Variants in CACNA1G observed in about 807,000 individuals in gnomAD.
CACNA1G encodes calcium voltage-gated channel subunit alpha1 G.
A neutral mutation model predicts 219.4 loss-of-function variants in CACNA1G; 67 were observed. That is an observed-to-expected ratio of 0.31 (90% CI 0.25 to 0.37). The LOEUF (loss-of-function observed/expected upper bound fraction) is 0.37. Ranked by LOEUF, CACNA1G falls within the 10% of genes least tolerant of loss-of-function variation. The probability of loss-of-function intolerance (pLI) is 1.00; values close to 1 mark genes in which losing one functional copy is unlikely to be tolerated. For synonymous variants in CACNA1G, 1,296 were observed against 1,345.3 expected (o/e 0.96, Z 0.80); for missense variants, 2,380 against 3,231.4 (o/e 0.74, Z 6.39).
At chr17:50,604,745 T>C (rs532144258) in intron 22 of CACNA1G, among the ~76,000 whole-genome samples, 22 of 152,328 alleles carry the variant, frequency 1.4e-4, no homozygotes, top group African/African-American at 5.3e-4. Context: ...CTGGGGAAAC[T>C]TGGCCTTGGG....
chr17:50,618,068 C>T lies in CACNA1G; in HGVS notation c.5247C>T (p.Leu1749=). The part of the protein sequence containing the change: ...ALPQVGNLGL[L]FMLLFFIFAA... Reference sequence around the variant, plus strand: ...TCCAGGTGGGGAACCTGGGACTTCTCTTCATGTTGTTGTTTTTCATCTTTG... The same window carrying T: ...TCCAGGTGGGGAACCTGGGACTTCTTTTCATGTTGTTGTTTTTCATCTTTG... Residue 1749 remains leucine, a synonymous_variant, in exon 31 of 38, where the codon CTC becomes CTT. Coordinates refer to ENST00000359106, the MANE Select transcript of CACNA1G (RefSeq NM_018896.5). This position sits in a 1 kb window ranked among gnomAD's most constrained non-coding sequence, Gnocchi z 5.3. 1 of 1,613,912 alleles carries T rather than the reference C, an allele frequency of 6.2e-7. No individual in the cohort carries two copies. The highest frequency in any genetic ancestry group is 1.3e-5 in the African/African-American group (1 of 75,016).
Position 50,617,397 on chromosome 17 carries a change from C to T in CACNA1G, c.5022-41C>T, listed in dbSNP as rs778863710. On this transcript the variant is annotated intron_variant, in intron 28 of 37. Transcript: ENST00000359106. This position sits in a 1 kb window ranked among gnomAD's most constrained non-coding sequence, Gnocchi z 5.8. Reference sequence around the variant, plus strand: ...CACGACTGCCCCCTCCTTCAGGAACCCCCTCCCCCAACTCAGGGAGCTGTA... The same window carrying T: ...CACGACTGCCCCCTCCTTCAGGAACTCCCTCCCCCAACTCAGGGAGCTGTA... The T allele has an allele frequency of 2.5e-6, 4 of 1,583,952 alleles. No individual in the cohort carries two copies. Among genetic ancestry groups the T allele is most frequent in the Non-Finnish European group, 3.4e-6 (4 of 1,160,160 alleles).
At chr17:50,597,259 C>T (rs2045759214) in intron 16 of CACNA1G, among the ~76,000 whole-genome samples, 1 of 152,154 alleles carries the variant, frequency 6.6e-6, no homozygotes, top group Admixed American at 6.5e-5. Context: ...ATAGCAGACC[C>T]TCATCTAGGT....
chr17:50,579,037 G>A (rs934748914), intron 9 of CACNA1G, among the ~76,000 whole-genome samples: 2 of 152,086 alleles, frequency 1.3e-5, no homozygotes, highest in Admixed American at 6.5e-5. Flanking sequence ...TGGTGCCTGC[G>A]CCTGGGTGGA....
In CACNA1G at chr17:50,561,324, TCC is replaced by T; in HGVS notation, c.-134_-133del. 8.9e-7 allele frequency: 1 copy of T among 1,125,804 alleles called. No individual in the cohort carries two copies. Among genetic ancestry groups the T allele is most frequent in the Non-Finnish European group, 1.2e-6 (1 of 803,518 alleles). 69.7% of individuals were successfully genotyped at this position (1,125,804 alleles called of 1,614,324 possible). On this transcript the variant is annotated 5_prime_UTR_variant, in exon 1 of 38. An upstream open reading frame in the 5' UTR gains an earlier in-frame stop. Coordinates refer to ENST00000359106, the MANE Select transcript of CACNA1G (RefSeq NM_018896.5). ...AGGGGGAGCTGGGCTGAACTGGCCC[TCC>T]CGGGGGCTCAGCTTGCGCCCTAGAG...
intron 8 of CACNA1G, among the ~76,000 whole-genome samples, chr17:50,576,720 A>C (rs926294465): frequency 2.0e-4 from 30 of 152,148 alleles, no homozygotes; most frequent in African/African-American, 6.5e-4. Context: ...GAGAACCAGG[A>C]GGCTTGAGGG....
rs2047869420 is a variant in CACNA1G, at chr17:50,605,948, C to T, written c.4347C>T (p.Ile1449=). 9 of 1,613,622 alleles carry T rather than the reference C, an allele frequency of 5.6e-6. No homozygotes were observed. The highest frequency in any genetic ancestry group is 7.6e-6 in the Non-Finnish European group (9 of 1,179,884). Residue 1449 remains isoleucine, a synonymous_variant, in exon 23 of 38, where the codon ATC becomes ATT. Coordinates refer to ENST00000359106, the MANE Select transcript of CACNA1G (RefSeq NM_018896.5). ...FVCQGEDTRN[I]TNKSDCAEAS... Reference sequence around the variant, plus strand: ...GCCAGGGCGAGGATACCAGGAACATCACCAATAAATCGGACTGTGCCGAGG... The same window carrying T: ...GCCAGGGCGAGGATACCAGGAACATTACCAATAAATCGGACTGTGCCGAGG...
chr17:50,572,623 C>A lies in CACNA1G; in HGVS notation c.816C>A (p.Ser272=). 6.3e-7 allele frequency: 1 copy of A among 1,595,752 alleles called. No individual in the cohort carries two copies. The highest frequency in any genetic ancestry group is 2.3e-5 in the East Asian group (1 of 43,758). ...ENEDESPFIC[S]QPRENGMRSC... is the part of the protein sequence containing the mutation. The stretch of plus-strand genomic sequence containing the variant: ...AGGATGAGAGCCCCTTCATCTGCTC[C>A]CAGCCACGCGAGAACGGCATGCGGT... The change falls in exon 6 of 38, where the codon TCC becomes TCA. Residue 272 remains serine, a synonymous_variant. Coordinates refer to ENST00000359106, the MANE Select transcript of CACNA1G (RefSeq NM_018896.5).
chr17:50,599,125 T>C (rs1325194628), intron 16 of CACNA1G, among the ~76,000 whole-genome samples: 1 of 152,236 alleles, frequency 6.6e-6, no homozygotes, highest in African/African-American at 2.4e-5. Flanking sequence ...CACCCCATTA[T>C]ATATACTGCC....
In CACNA1G at chr17:50,612,650, C is replaced by T. The variant is rs375577068; in HGVS notation, c.4760-2711C>T. ...TTGCCACTCCCCTTTGCAAACCCTC[C>T]GCCCTGGCCATGCCTTGGGCTCCCT... On this transcript the variant is annotated intron_variant, in intron 26 of 37. Coordinates refer to ENST00000359106, the MANE Select transcript of CACNA1G (RefSeq NM_018896.5). Among the ~76,000 whole-genome samples, 6 of 152,238 alleles carry T rather than the reference C, an allele frequency of 3.9e-5. No homozygotes were observed. The South Asian group carries it at 6.2e-4, about 16-fold the overall frequency.
At chr17:50,569,828 C>T in intron 4 of CACNA1G, 25 bp downstream of exon 4, 1 of 1,515,016 alleles carries the variant, frequency 6.6e-7, no homozygotes, top group Non-Finnish European at 9.0e-7. Flanking sequence ...AGCCCTCAGC[C>T]CCTGAAGAGA....
In CACNA1G at chr17:50,561,190, A is replaced by C; in HGVS notation, c.-270A>C. 1.8e-6 allele frequency: 1 copy of C among 550,456 alleles called. No individual in the cohort carries two copies. Among genetic ancestry groups the C allele is most frequent in the Non-Finnish European group, 3.3e-6 (1 of 301,670 alleles). 34.1% of individuals were successfully genotyped at this position (550,456 alleles called of 1,614,324 possible). A position where few individuals can be genotyped will look rare whatever the true frequency, so the allele number is the denominator to read the frequency against. On this transcript the variant is annotated 5_prime_UTR_variant, in exon 1 of 38. Coordinates refer to ENST00000359106, the MANE Select transcript of CACNA1G (RefSeq NM_018896.5). ...AAGAAGCCGGAACAAAGTGAGGGGG[A>C]GCCGGCCGGCTGGCCCGGGAAGCCC...
Position 50,619,010 on chromosome 17 carries a change from T to C in CACNA1G, c.5781+2T>C. 6.6e-7 allele frequency: 1 copy of C among 1,516,158 alleles called. No homozygotes were observed. The highest frequency in any genetic ancestry group is 8.8e-7 in the Non-Finnish European group (1 of 1,135,244). 93.9% of individuals were successfully genotyped at this position (1,516,158 alleles called of 1,614,324 possible). ...CACTTTTCCCTGGAGCACCCCACGG[T>C]GAGCAGACACCCACCCCAGCCGTGA... On this transcript the variant is annotated splice_donor_variant, in intron 33 of 37. Transcript: ENST00000359106. LOFTEE classifies it high-confidence loss of function.
chr17:50,591,303 G>A, intron 10 of CACNA1G, 132 bp from the exon 11 acceptor site: 1 of 861,530 alleles, frequency 1.2e-6, no homozygotes, highest in Non-Finnish European at 1.7e-6. Flanking sequence ...GAGGTCTGGG[G>A]GCCCACCTGT....
In CACNA1G at chr17:50,599,607, A is replaced by C; in HGVS notation, c.3438A>C (p.Ser1146=). The change falls in exon 17 of 38, where the codon TCA becomes TCC. Residue 1146 remains serine (S), a synonymous_variant. Coordinates refer to ENST00000359106, the MANE Select transcript of CACNA1G (RefSeq NM_018896.5). ...GQESQDEEES[S]EEERASPAGS... is the part of the protein sequence containing the mutation. ...AGAGCCAGGATGAAGAGGAGAGCTC[A>C]GAAGAGGAGCGGGCCAGCCCTGCGG... The C allele has an allele frequency of 1.2e-6, 2 of 1,613,184 alleles. No individual in the cohort carries two copies. Among genetic ancestry groups the C allele is most frequent in the Non-Finnish European group, 8.5e-7 (1 of 1,179,564 alleles).
rs149265809 is a variant in CACNA1G, at chr17:50,566,086, T to TA, written c.243-2782dup. On this transcript the variant is annotated intron_variant, in intron 1 of 37. Transcript: ENST00000359106. ...GTCACATGGTTTTCCCCCAACCTGA[T>TA]AACCTGTGGGTCTCCCTGATTCTCC... is the stretch of plus-strand genomic sequence containing the variant. Among the ~76,000 whole-genome samples, 85 of 152,286 alleles carry TA rather than the reference T, an allele frequency of 5.6e-4. 2 individuals are homozygous for TA. In the East Asian group the frequency reaches 0.016, roughly 29 times the overall value.
chr17:50,582,175 G>A (rs373884463), intron 9 of CACNA1G, among the ~76,000 whole-genome samples: 14 of 152,264 alleles, frequency 9.2e-5, no homozygotes, highest in African/African-American at 2.9e-4. Flanking sequence ...AGAGGGATAC[G>A]TGGAGGAGGA....
At chr17:50,601,005 C>A in intron 18 of CACNA1G, 46 bp from the exon 19 acceptor site, 1 of 1,603,884 alleles carries the variant, frequency 6.2e-7, no homozygotes, top group Non-Finnish European at 8.5e-7. Flanking sequence ...CTCGTTGCCA[C>A]CTGCCCTGCC....
intron 1 of CACNA1G, among the ~76,000 whole-genome samples, chr17:50,565,389 G>C (rs897968582): frequency 7.0e-6 from 1 of 142,958 alleles, no homozygotes; most frequent in African/African-American, 2.5e-5. Flanking sequence ...GGGTGGGGCG[G>C]GGGGTTCTGC....
Sources: gnomAD v4.1 joint callset for allele counts (sites outside exome capture counted in the v4.1 genomes callset) on GRCh38, gnomAD v4.1.1 for gene constraint, Gnocchi (gnomAD v3.1) non-coding constraint, MANE v1.5 for transcripts, NCBI Gene and HGNC (gene_info 2026-07-23, HGNC 2026-07-21) for gene names.